AGBL1: variants seen among roughly 807,000 people sequenced by gnomAD.
AGBL1 encodes the protein AGBL carboxypeptidase 1.
Under a neutral mutation model 118.9 loss-of-function variants are expected in AGBL1, and 130 were observed. The ratio of observed to expected loss-of-function variants is 1.09; its 90% CI spans 0.95 to 1.26. The LOEUF (loss-of-function observed/expected upper bound fraction) is 1.26, where lower values mean the gene tolerates loss of function less well. Ranked by LOEUF, AGBL1 falls within the 50% of genes most tolerant of loss-of-function variation. AGBL1 has a pLI of 0.00. For missense variants in AGBL1, 1,584 were observed against 1,298.1 expected, an observed-to-expected ratio of 1.22 and a Z score of -3.38; for synonymous variants, 555 against 478.9, an observed-to-expected ratio of 1.16 and a Z score of -2.08.
intron 24 of AGBL1, among the ~76,000 whole-genome samples, chr15:87,020,449 G>A (rs1454749041): frequency 6.6e-6 from 1 of 152,106 alleles, no homozygotes; most frequent in African/African-American, 2.4e-5. Context: ...CACCAGAAAA[G>A]GGTGTCCTCT....
At chr15:86,917,463 G>A (rs1254359596), downstream of AGBL1, among the ~76,000 whole-genome samples, 3 of 152,290 alleles carry the variant, frequency 2.0e-5, no homozygotes, top group Non-Finnish European at 4.4e-5. The surrounding 1 kb of genome is among the most constrained non-coding windows in gnomAD (Gnocchi z 4.8). Flanking sequence ...GGGAAAGGGA[G>A]CTCATTATTA....
chr15:86,437,559 A>G (rs970147454), intron 18 of AGBL1, among the ~76,000 whole-genome samples: 8 of 152,028 alleles, frequency 5.3e-5, no homozygotes, highest in Non-Finnish European at 1.0e-4. Context: ...AGTTTCCCCA[A>G]CTCAGCTGGG....
chr15:86,271,043 ATTTTTTTT>A (rs58166692), intron 14 of AGBL1, among the ~76,000 whole-genome samples: 15 of 89,062 alleles, frequency 1.7e-4, no homozygotes, highest in African/African-American at 6.7e-4. Flanking sequence ...GTCACGTTGC[ATTTTTTTT>A]TTTTTTTTTT....
chr15:86,497,804 C>T (rs893288792), intron 18 of AGBL1, among the ~76,000 whole-genome samples: 1 of 151,940 alleles, frequency 6.6e-6, no homozygotes, highest in African/African-American at 2.4e-5. Context: ...ACCTTTTTCT[C>T]ATGTAAATTG....
At chr15:86,425,766 T>A (rs1191641806) in intron 18 of AGBL1, among the ~76,000 whole-genome samples, 2 of 152,186 alleles carry the variant, frequency 1.3e-5, no homozygotes, top group Non-Finnish European at 2.9e-5. Flanking sequence ...GTTTCTGATA[T>A]CTGATTCAAG....
chr15:87,013,887 T>TAGAC (rs576268898), intron 24 of AGBL1, among the ~76,000 whole-genome samples: 60 of 152,308 alleles, frequency 3.9e-4, no homozygotes, highest in African/African-American at 1.3e-3. Context: ...GCTTTGAACA[T>TAGAC]AGACACACTT....
chr15:86,847,413 T>C (rs1468622816), intron 22 of AGBL1, among the ~76,000 whole-genome samples: 1 of 152,204 alleles, frequency 6.6e-6, no homozygotes, highest in African/African-American at 2.4e-5. Context: ...CCCAATGATA[T>C]TTGGTTTTGC....
At chr15:86,159,941 T>C (rs1163053946) in intron 5 of AGBL1, among the ~76,000 whole-genome samples, 3 of 152,016 alleles carry the variant, frequency 2.0e-5, no homozygotes, top group Non-Finnish European at 4.4e-5. Flanking sequence ...TATATCTCAG[T>C]GAAAAAAAAT....
At chr15:86,939,421 G>A (rs1596653538) in intron 23 of AGBL1, among the ~76,000 whole-genome samples, 1 of 152,064 alleles carries the variant, frequency 6.6e-6, no homozygotes, top group South Asian at 2.1e-4. Flanking sequence ...GATTTCCCAG[G>A]GGCCCTCAGG....
chr15:86,129,872 A>T (rs1010164016), intron 1 of AGBL1, among the ~76,000 whole-genome samples: 1 of 152,134 alleles, frequency 6.6e-6, no homozygotes. Flanking sequence ...TGTGGGGTGG[A>T]CAGAAAGGCA....
chr15:87,015,378 A>G (rs1477568561), intron 24 of AGBL1, among the ~76,000 whole-genome samples: 1 of 151,684 alleles, frequency 6.6e-6, no homozygotes, highest in Non-Finnish European at 1.5e-5. Flanking sequence ...CTATCTATCT[A>G]TCTAGTCTGT....
chr15:86,459,827 A>G (rs908628858), intron 18 of AGBL1, among the ~76,000 whole-genome samples: 25 of 152,084 alleles, frequency 1.6e-4, no homozygotes, highest in Non-Finnish European at 3.5e-4. Flanking sequence ...CACAGTTGCC[A>G]TTTTTTATTG....
intron 20 of AGBL1, among the ~76,000 whole-genome samples, chr15:86,552,442 G>A (rs1375614202): frequency 6.6e-6 from 1 of 152,224 alleles, no homozygotes; most frequent in Non-Finnish European, 1.5e-5. Context: ...CCAATGTTAA[G>A]TTAAAGCTAT....
chr15:86,689,264 C>G (rs2086118877), intron 22 of AGBL1, among the ~76,000 whole-genome samples: 1 of 152,104 alleles, frequency 6.6e-6, no homozygotes. Context: ...ATAATCTCAG[C>G]TTAAATTTCA....
At chr15:86,311,293 T>C (rs1024816762) in intron 17 of AGBL1, among the ~76,000 whole-genome samples, 10 of 152,164 alleles carry the variant, frequency 6.6e-5, no homozygotes, top group Admixed American at 3.3e-4. Flanking sequence ...CTGCAAAAAA[T>C]GGAAGTTCTT....
At chr15:86,589,941 A>G (rs2084309211) in intron 21 of AGBL1, among the ~76,000 whole-genome samples, 3 of 152,294 alleles carry the variant, frequency 2.0e-5, no homozygotes, top group South Asian at 4.1e-4. Context: ...TTCTCTACAT[A>G]TTCTCTTACA....
At chr15:87,021,206 T>A (rs1160021885) in intron 24 of AGBL1, among the ~76,000 whole-genome samples, 1 of 152,118 alleles carries the variant, frequency 6.6e-6, no homozygotes, top group East Asian at 1.9e-4. Flanking sequence ...TACAACCATC[T>A]GATCTTTGAC....
intron 1 of AGBL1, among the ~76,000 whole-genome samples, chr15:86,093,901 A>G (rs928680358): frequency 6.6e-6 from 1 of 152,218 alleles, no homozygotes; most frequent in Non-Finnish European, 1.5e-5. Context: ...TTCTATGACA[A>G]TAGCAACAGC....
At chr15:86,846,455 A>G (rs76345675) in intron 22 of AGBL1, among the ~76,000 whole-genome samples, 18,852 of 152,220 alleles carry the variant, frequency 0.12, 1,513 homozygotes, top group Non-Finnish European at 0.17. Context: ...CAATGTGTCT[A>G]TCTTACTTAG....
Sources: allele counts gnomAD v4.1 joint callset (sites outside exome capture counted in the v4.1 genomes callset), GRCh38; gene constraint gnomAD v4.1.1; non-coding constraint Gnocchi (gnomAD v3.1); transcripts MANE v1.5; gene names NCBI Gene and HGNC (gene_info 2026-07-23, HGNC 2026-07-21).